ADCY1: variants seen among roughly 807,000 people sequenced by gnomAD.
The protein encoded by ADCY1 is adenylate cyclase type 1.
ADCY1 carries 28 observed loss-of-function variants against 105.4 expected under a neutral mutation model. The ratio of observed to expected loss-of-function variants is 0.27; its 90% CI spans 0.20 to 0.36. The LOEUF is 0.36. ADCY1 is among the 10% of genes least tolerant of loss of function. The pLI, the probability that ADCY1 is intolerant of heterozygous loss-of-function variation, is 1.00. For missense variants in ADCY1, 977 were observed against 1,434.2 expected (o/e 0.68, Z 5.15); for synonymous variants, 655 against 623.8 (o/e 1.05, Z -0.75).
chr7:45,589,324 C>CCCGGG (rs1293624675), intron 1 of ADCY1, among the ~76,000 whole-genome samples: 1 of 152,064 alleles, frequency 6.6e-6, no homozygotes, highest in East Asian at 1.9e-4. Context: ...GTGCAGATGG[C>CCCGGG]CCGGGCCGGG....
At chr7:45,601,107 C>T (rs1793219826) in intron 2 of ADCY1, among the ~76,000 whole-genome samples, 1 of 152,144 alleles carries the variant, frequency 6.6e-6, no homozygotes, top group South Asian at 2.1e-4. Flanking sequence ...GATGAGTGTG[C>T]CTGGACTGGT....
chr7:45,664,599 C>T, intron 8 of ADCY1: 1 of 1,060,164 alleles, frequency 9.4e-7, no homozygotes, highest in Non-Finnish European at 1.3e-6. Context: ...AAAAAGCTAT[C>T]ATGAACATTT....
chr7:45,685,132 C>T (rs550302119), intron 12 of ADCY1, 64 bp downstream of exon 12: 105 of 1,468,322 alleles, frequency 7.2e-5, no homozygotes, highest in Non-Finnish European at 9.7e-5. Context: ...AGGACCAGCC[C>T]AGAAGCCAGG....
intron 2 of ADCY1, among the ~76,000 whole-genome samples, chr7:45,609,492 T>A (rs1257344326): frequency 6.6e-6 from 1 of 152,220 alleles, no homozygotes; most frequent in African/African-American, 2.4e-5. Flanking sequence ...CTTCTTCCCC[T>A]CTTCAGCCTG....
Position 45,677,936 on chromosome 7 carries a change from A to T in ADCY1, c.1673A>T (p.Tyr558Phe). The change falls in exon 9 of 20, where the codon TAC (tyrosine) becomes TTC (phenylalanine). Residue 558 changes from tyrosine to phenylalanine, a missense_variant. Tyr to Phe is a conservative substitution (Grantham distance 22). Transcript: ENST00000297323. ...NRSSFSTNVVYTTPGTRVNRY... is the reference protein window; with the variant it reads ...NRSSFSTNVVFTTPGTRVNRY... The stretch of plus-strand genomic sequence containing the variant: ...TCATCTTTTTCTACCAACGTTGTCT[A>T]CACCACCCCGGGCACTCGCGTCAAC... The T allele has an allele frequency of 6.2e-7, 1 of 1,614,164 alleles. No homozygotes were observed. The highest frequency in any genetic ancestry group is 8.5e-7 in the Non-Finnish European group (1 of 1,180,034).
In ADCY1 at chr7:45,587,725, A is replaced by G. The variant is rs977197380; in HGVS notation, c.640-5034A>G. On this transcript the variant is annotated intron_variant, in intron 1 of 19. Coordinates refer to ENST00000297323, the MANE Select transcript of ADCY1 (RefSeq NM_021116.4). ...TGTCTAGCATGAGGGATGCTAGTCCAGTGACCCTCCAGTGTCTGATGATTT... is the reference window on the plus strand; with the variant it reads ...TGTCTAGCATGAGGGATGCTAGTCCGGTGACCCTCCAGTGTCTGATGATTT... Among the ~76,000 whole-genome samples, 6 of 152,106 alleles carry G rather than the reference A, an allele frequency of 3.9e-5. No individual in the cohort carries two copies. In the South Asian group the frequency reaches 1.2e-3, roughly 32 times the overall value.
intron 3 of ADCY1, among the ~76,000 whole-genome samples, chr7:45,615,973 G>A (rs1027554538): frequency 1.3e-5 from 2 of 152,012 alleles, no homozygotes; most frequent in Admixed American, 1.3e-4. Context: ...TAAAAAAAGA[G>A]AAGACTCAAA....
intron 2 of ADCY1, among the ~76,000 whole-genome samples, chr7:45,603,323 A>G (rs1437531888): frequency 6.6e-6 from 1 of 152,224 alleles, no homozygotes; most frequent in African/African-American, 2.4e-5. Context: ...ATAAATACCT[A>G]GGAGTAGAAT....
chr7:45,602,520 T>G (rs1215895799), intron 2 of ADCY1, among the ~76,000 whole-genome samples: 1 of 152,182 alleles, frequency 6.6e-6, no homozygotes, highest in Non-Finnish European at 1.5e-5. Flanking sequence ...ACACACTCAA[T>G]TTGTTACCCT....
chr7:45,678,235 G>A lies in ADCY1; in HGVS notation c.1870G>A (p.Gly624Ser), dbSNP rs932147258. ...CACCCTCATCCTGGCTGCCTTATTTGGCCTTGTCTACCTTCTAATATTCCC... is the reference window on the plus strand; with the variant it reads ...CACCCTCATCCTGGCTGCCTTATTTAGCCTTGTCTACCTTCTAATATTCCC... Reference protein sequence around the residue: ...VLTLILAALFGLVYLLIFPQS... With the variant: ...VLTLILAALFSLVYLLIFPQS... Residue 624 changes from glycine to serine, a missense_variant, in exon 10 of 20, where the codon GGC (glycine) becomes AGC (serine). Transcript: ENST00000297323. 1 of 1,613,936 alleles carries A rather than the reference G, an allele frequency of 6.2e-7. No individual in the cohort carries two copies. Among genetic ancestry groups the A allele is most frequent in the East Asian group, 2.2e-5 (1 of 44,882 alleles).
intron 3 of ADCY1, among the ~76,000 whole-genome samples, chr7:45,621,980 A>G (rs1793904131): frequency 6.6e-6 from 1 of 152,172 alleles, no homozygotes; most frequent in South Asian, 2.1e-4. Flanking sequence ...TCTCCAGAAA[A>G]CATGAAAGTT....
intron 11 of ADCY1, among the ~76,000 whole-genome samples, chr7:45,682,663 C>T (rs896980304): frequency 1.3e-5 from 2 of 152,188 alleles, no homozygotes; most frequent in African/African-American, 2.4e-5. Flanking sequence ...TCCTCCTTCT[C>T]GCCGTCCTAG....
chr7:45,656,871 G>A (rs1018501023), intron 5 of ADCY1, among the ~76,000 whole-genome samples: 2 of 152,256 alleles, frequency 1.3e-5, no homozygotes, highest in Non-Finnish European at 2.9e-5. Flanking sequence ...ATAGAAAGAG[G>A]AGGTTGGCCT....
intron 1 of ADCY1, among the ~76,000 whole-genome samples, chr7:45,586,024 G>A (rs1049708419): frequency 6.6e-6 from 1 of 152,124 alleles, no homozygotes; most frequent in Non-Finnish European, 1.5e-5. Flanking sequence ...GATGGGAGCT[G>A]TCCCCAGGGT....
In ADCY1 at chr7:45,575,244, A is replaced by G. The variant is rs1307538694; in HGVS notation, c.639+62A>G. The G allele has an allele frequency of 6.6e-7, 1 of 1,510,632 alleles. No homozygotes were observed. The highest frequency in any genetic ancestry group is 8.8e-7 in the Non-Finnish European group (1 of 1,136,306). The allele number at this position is 1,510,632 out of a possible 1,614,324, so 93.6% of individuals were successfully genotyped here. A position where few individuals can be genotyped will look rare whatever the true frequency, so the allele number is the denominator to read the frequency against. On this transcript the variant is annotated intron_variant, in intron 1 of 19. Transcript: ENST00000297323. The surrounding 1 kb of genome is among the most constrained non-coding windows in gnomAD (Gnocchi z 4.7). The stretch of plus-strand genomic sequence containing the variant: ...CACACTTGCTGGGACGATGCTGGGA[A>G]TGCCCGGAGTCGGGCGCGCTTTTTC...
At chr7:45,623,946 G>A (rs1288801465) in intron 4 of ADCY1, among the ~76,000 whole-genome samples, 1 of 152,176 alleles carries the variant, frequency 6.6e-6, no homozygotes, top group Non-Finnish European at 1.5e-5. Context: ...GTGAGATGGA[G>A]CCAAGTTCAA....
rs946901577 is a variant in ADCY1, at chr7:45,694,134, A to C, written c.2454+7461A>C. Among the ~76,000 whole-genome samples the C allele has an allele frequency of 1.1e-3, 150 of 136,746 alleles. 1 individual carries two copies. Among genetic ancestry groups the C allele is most frequent in the African/African-American group, 3.8e-3 (148 of 38,748 alleles). The allele number at this position is 136,746 out of a possible 152,430, so 89.7% of individuals were successfully genotyped here. ...GTATAATAAAAAAAAAAAAAAAAAA[A>C]AAACACTGTCAACCAACTTGACTTA... On this transcript the variant is annotated intron_variant, in intron 14 of 19. Transcript: ENST00000297323.
Position 45,710,690 on chromosome 7 carries a change from A to G in ADCY1, c.3057+38A>G, listed in dbSNP as rs770956249. ...AGAAACCCCTAAGGCATGGGTGCCC[A>G]TTCTTCAGGTGAGGAAACTGAGGCA... On this transcript the variant is annotated intron_variant, in intron 19 of 19. Transcript: ENST00000297323. The surrounding 1 kb of genome is among the most constrained non-coding windows in gnomAD (Gnocchi z 4.7). 3.8e-6 allele frequency: 6 copies of G among 1,584,690 alleles called. No individual in the cohort carries two copies. The highest frequency in any genetic ancestry group is 5.1e-6 in the Non-Finnish European group (6 of 1,165,516).
intron 2 of ADCY1, among the ~76,000 whole-genome samples, chr7:45,600,376 A>C (rs1486100661): frequency 6.6e-6 from 1 of 152,224 alleles, no homozygotes; most frequent in Non-Finnish European, 1.5e-5. Flanking sequence ...CTTTCCTGGA[A>C]GAGCCCGAGG....
Sources: gnomAD v4.1 joint callset for allele counts (sites outside exome capture counted in the v4.1 genomes callset) on GRCh38, gnomAD v4.1.1 for gene constraint, Gnocchi (gnomAD v3.1) non-coding constraint, MANE v1.5 for transcripts, NCBI Gene and HGNC (gene_info 2026-07-23, HGNC 2026-07-21) for gene names.